NDE1: variants seen among roughly 807,000 people sequenced by gnomAD.
NDE1 encodes nuclear distribution protein nudE homolog 1.
Under a neutral mutation model 43.4 loss-of-function variants are expected in NDE1, and 28 were observed. The ratio of observed to expected loss-of-function variants is 0.65; its 90% CI spans 0.48 to 0.89. The LOEUF (loss-of-function observed/expected upper bound fraction) is 0.89. NDE1 is among the 40% of genes least tolerant of loss of function. NDE1 has a pLI of 0.00. For missense variants in NDE1, 441 were observed against 434.1 expected (o/e 1.02, Z -0.14); for synonymous variants, 184 against 172.0 (o/e 1.07, Z -0.55).
chr16:15,691,377 A>G, intron 6 of NDE1, 54 bp downstream of exon 6: 2 of 1,584,356 alleles, frequency 1.3e-6, no homozygotes, highest in East Asian at 2.3e-5. Flanking sequence ...GTTTCTGGGT[A>G]AGAATCTGGG....
chr16:15,690,173 C>G (rs763809867), intron 5 of NDE1, among the ~76,000 whole-genome samples: 12 of 151,102 alleles, frequency 7.9e-5, no homozygotes, highest in Non-Finnish European at 1.6e-4. Flanking sequence ...GCCTCCCAAG[C>G]AGCTGGGACT....
intron 3 of NDE1, among the ~76,000 whole-genome samples, chr16:15,674,491 C>T (rs921519475): frequency 1.3e-5 from 2 of 152,036 alleles, no homozygotes; most frequent in African/African-American, 2.4e-5. Context: ...TCAGGTGATC[C>T]ACCTGCCTCA....
At chr16:15,721,961 G>A (rs1485969593) in intron 8 of NDE1, among the ~76,000 whole-genome samples, 6 of 152,054 alleles carry the variant, frequency 3.9e-5, no homozygotes, top group Admixed American at 2.6e-4. Context: ...GGGTTCAAGC[G>A]ATTCTCCTGC....
chr16:15,699,638 T>A (rs1377082937), intron 8 of NDE1: 1 of 1,275,270 alleles, frequency 7.8e-7, no homozygotes, highest in South Asian at 1.3e-5. Flanking sequence ...TCCTGACTCT[T>A]GATGTTCACC....
At chr16:15,691,554 C>T (rs1210452382) in intron 6 of NDE1, among the ~76,000 whole-genome samples, 4 of 151,824 alleles carry the variant, frequency 2.6e-5, no homozygotes, top group Admixed American at 6.6e-5. Context: ...CCACCCAGAG[C>T]GGGTGGCTGC....
chr16:15,698,306 C>G (rs1162417964), intron 8 of NDE1, among the ~76,000 whole-genome samples: 1 of 149,946 alleles, frequency 6.7e-6, no homozygotes, highest in South Asian at 2.1e-4. Flanking sequence ...CTGAGGGCAG[C>G]GGATCAATTG....
At chr16:15,719,734 G>C (rs777078617) in intron 8 of NDE1, 1 of 1,613,916 alleles carries the variant, frequency 6.2e-7, no homozygotes, top group South Asian at 1.1e-5. Flanking sequence ...CAACAGGGAG[G>C]ACAAGCTCAG....
At chr16:15,720,762 C>T (rs184194085) in intron 8 of NDE1, 4 of 1,481,428 alleles carry the variant, frequency 2.7e-6, no homozygotes, top group Non-Finnish European at 3.8e-6. Flanking sequence ...GAAGTTTCCA[C>T]ACCAACCATG....
At chr16:15,653,980 C>T (rs781301279) in intron 1 of NDE1, among the ~76,000 whole-genome samples, 5 of 152,052 alleles carry the variant, frequency 3.3e-5, no homozygotes, top group Admixed American at 6.6e-5. Flanking sequence ...ATCTGCCTGC[C>T]TCACCCTCCC....
At chr16:15,708,971 T>TAAAAATAAAAGACTCC in intron 8 of NDE1, 1 of 1,000,094 alleles carries the variant, frequency 1.0e-6, no homozygotes. Flanking sequence ...TATTTTGAGA[T>TAAAAATAAAAGACTCC]AGTCTCTGTC....
chr16:15,682,544 C>G (rs1324364341), intron 4 of NDE1, among the ~76,000 whole-genome samples: 2 of 152,170 alleles, frequency 1.3e-5, no homozygotes, highest in Non-Finnish European at 2.9e-5. Flanking sequence ...TAACTGAGGA[C>G]AGGCACTTTG....
chr16:15,710,758 GCTC>G (rs1470416798), intron 8 of NDE1, among the ~76,000 whole-genome samples: 10 of 151,942 alleles, frequency 6.6e-5, no homozygotes, highest in Admixed American at 5.9e-4. Context: ...CTCACTGCAG[GCTC>G]CTCCTCCTGG....
chr16:15,672,127 TTC>T (rs552936440), intron 3 of NDE1, among the ~76,000 whole-genome samples: 3 of 152,028 alleles, frequency 2.0e-5, no homozygotes, highest in African/African-American at 4.8e-5. Context: ...TACTCAGTAA[TTC>T]TCTGCTTCAA....
chr16:15,715,316 A>C (rs1239632737), intron 8 of NDE1: 1 of 1,599,658 alleles, frequency 6.3e-7, no homozygotes, highest in Non-Finnish European at 8.6e-7. Flanking sequence ...GGAGGGTGGC[A>C]CCCCTTGTAG....
At chr16:15,687,592 A>T (rs771453211) in intron 5 of NDE1, 81 bp downstream of exon 5, 2 of 1,362,188 alleles carry the variant, frequency 1.5e-6, no homozygotes, top group Non-Finnish European at 2.1e-6. Flanking sequence ...CTCTCCCAGC[A>T]TTATCTTTAC....
intron 2 of NDE1, among the ~76,000 whole-genome samples, chr16:15,666,945 T>A (rs554145270): frequency 3.2e-4 from 49 of 152,288 alleles, no homozygotes; most frequent in African/African-American, 1.1e-3. Context: ...TTGATATTTT[T>A]AAAATATTCC....
rs527572940 is a variant in NDE1, at chr16:15,687,231, C to T, written c.387-144C>T. 1.1e-4 allele frequency: 171 copies of T among 1,557,208 alleles called. 1 individual carries two copies. In the South Asian group the frequency reaches 1.9e-3, roughly 17 times the overall value. ...GCCCATGCCCCAGAAGGTTAAGGGA[C>T]TTGGCCCACTCTGTGGCATCTAGGA... On this transcript the variant is annotated intron_variant, in intron 4 of 8. Coordinates refer to ENST00000396354, the MANE Select transcript of NDE1 (RefSeq NM_017668.3).
chr16:15,710,258 C>T (rs1199307306), intron 8 of NDE1, among the ~76,000 whole-genome samples: 1 of 152,264 alleles, frequency 6.6e-6, no homozygotes, highest in South Asian at 2.1e-4. Flanking sequence ...CATGGTGGCT[C>T]ACGCCTGTAA....
intron 5 of NDE1, among the ~76,000 whole-genome samples, chr16:15,689,174 G>A (rs1180383323): frequency 6.6e-6 from 1 of 152,174 alleles, no homozygotes; most frequent in East Asian, 1.9e-4. Flanking sequence ...AAAATGAACA[G>A]TAGATAGAAA....
Sources: allele counts gnomAD v4.1 joint callset (sites outside exome capture counted in the v4.1 genomes callset), GRCh38; gene constraint gnomAD v4.1.1; transcripts MANE v1.5; gene names NCBI Gene and HGNC (gene_info 2026-07-23, HGNC 2026-07-21).